The following SLC24A2 variants were observed in gnomAD, a reference collection of about 807,000 sequenced individuals.
The protein encoded by SLC24A2 is sodium/potassium/calcium exchanger 2.
Under a neutral mutation model 62.0 loss-of-function variants are expected in SLC24A2, and 36 were observed. The observed-to-expected ratio is 0.58, with a 90% confidence interval of 0.44 to 0.77. The LOEUF (loss-of-function observed/expected upper bound fraction) is 0.77, where lower values mean the gene tolerates loss of function less well. Ranked by LOEUF, SLC24A2 falls within the 30% of genes least tolerant of loss-of-function variation. The pLI, the probability that SLC24A2 is intolerant of heterozygous loss-of-function variation, is 0.00. For missense variants in SLC24A2, 846 were observed against 817.9 expected (o/e 1.03, Z -0.42); for synonymous variants, 358 against 294.0 (o/e 1.22, Z -2.23).
intron 2 of SLC24A2, among the ~76,000 whole-genome samples, chr9:19,772,558 G>A (rs1359287959): frequency 3.3e-5 from 5 of 152,140 alleles, no homozygotes; most frequent in Admixed American, 2.6e-4. Context: ...AATGGACAAA[G>A]GACTTGAGTA....
the SLC24A2 span, among the ~76,000 whole-genome samples, chr9:19,799,232 C>CT: frequency 1.3e-5 from 2 of 151,936 alleles, no homozygotes; most frequent in African/African-American, 4.8e-5. Context: ...ATTCTCTTAG[C>CT]TTTTTTTATT....
the SLC24A2 span, among the ~76,000 whole-genome samples, chr9:19,869,717 T>C: frequency 0.013 from 1,999 of 152,360 alleles, 25 homozygotes; most frequent in Non-Finnish European, 0.021. Context: ...GTCATATGTA[T>C]GACAACTCTA....
the SLC24A2 span, among the ~76,000 whole-genome samples, chr9:20,305,128 GA>G: frequency 3.0e-4 from 24 of 81,116 alleles, no homozygotes; most frequent in Non-Finnish European, 5.2e-4. Context: ...TTTTTTTTTT[GA>G]GATGGAGTCT....
Position 19,577,002 on chromosome 9 carries a change from A to C in SLC24A2, c.1150T>G (p.Ser384Ala). Residue 384 changes from serine (S) to alanine (A), a missense_variant, in exon 6 of 11, where the codon TCA (serine) becomes GCA (alanine). Coordinates refer to ENST00000341998, the MANE Select transcript of SLC24A2 (RefSeq NM_020344.4). ...TEEGRFREKA[S>A]ILHKIAKKKC... Reference sequence around the variant, plus strand: ...TTCTTGGCGATCTTGTGGAGAATTGAAGCCTTTTCTCTGAACCTCCCTGAA... The same window carrying C: ...TTCTTGGCGATCTTGTGGAGAATTGCAGCCTTTTCTCTGAACCTCCCTGAA... 3.1e-6 allele frequency: 5 copies of C among 1,614,124 alleles called. No homozygotes were observed. The highest frequency in any genetic ancestry group is 4.2e-6 in the Non-Finnish European group (5 of 1,179,982).
At chr9:19,792,691 A>G (rs1276403736), upstream of SLC24A2, among the ~76,000 whole-genome samples, 1 of 141,096 alleles carries the variant, frequency 7.1e-6, no homozygotes, top group Non-Finnish European at 1.6e-5. Flanking sequence ...CTGGGAAACA[A>G]GAACAAAACT....
chr9:19,712,252 TC>T (rs1348102875), intron 2 of SLC24A2, among the ~76,000 whole-genome samples: 2 of 152,216 alleles, frequency 1.3e-5, no homozygotes, highest in Admixed American at 6.5e-5. Flanking sequence ...TAATTTTATT[TC>T]ATTTTCACTA....
chr9:20,213,092 G>A, the SLC24A2 span, among the ~76,000 whole-genome samples: 67 of 151,734 alleles, frequency 4.4e-4, 3 homozygotes, highest in African/African-American at 1.6e-3. Flanking sequence ...ATATGTAGGT[G>A]ATGGGTTGAT....
intron 2 of SLC24A2, among the ~76,000 whole-genome samples, chr9:19,765,929 T>C (rs966572860): frequency 6.6e-6 from 1 of 152,210 alleles, no homozygotes; most frequent in Non-Finnish European, 1.5e-5. Context: ...CTTTCCGGTA[T>C]ACCAATCAAA....
chr9:19,877,686 A>G, the SLC24A2 span, among the ~76,000 whole-genome samples: 1 of 151,844 alleles, frequency 6.6e-6, no homozygotes, highest in East Asian at 2.0e-4. Context: ...AGCTTTCTGC[A>G]GAGCTCCAGA....
intron 7 of SLC24A2, among the ~76,000 whole-genome samples, chr9:19,558,635 A>C (rs187117718): frequency 6.6e-6 from 1 of 152,336 alleles, no homozygotes; most frequent in East Asian, 1.9e-4. Flanking sequence ...AACTTTAGCA[A>C]GAACTGAAAT....
the SLC24A2 span, among the ~76,000 whole-genome samples, chr9:19,839,003 A>T: frequency 2.0e-5 from 3 of 152,294 alleles, no homozygotes; most frequent in South Asian, 6.2e-4. Context: ...TGACAAAGGG[A>T]TAATATCCAG....
chr9:19,950,022 C>A, the SLC24A2 span, among the ~76,000 whole-genome samples: 1 of 152,164 alleles, frequency 6.6e-6, no homozygotes, highest in South Asian at 2.1e-4. Flanking sequence ...AAAACATCTC[C>A]TGACAATTCA....
At chr9:20,269,303 A>T in the SLC24A2 span, among the ~76,000 whole-genome samples, 15,847 of 152,198 alleles carry the variant, frequency 0.1, 1,028 homozygotes, top group Middle Eastern at 0.15. Context: ...TAAGAAAAGG[A>T]GACGCATCCA....
the SLC24A2 span, among the ~76,000 whole-genome samples, chr9:19,807,733 A>G: frequency 6.6e-6 from 1 of 152,188 alleles, no homozygotes; most frequent in Non-Finnish European, 1.5e-5. Context: ...GCTTTAAACG[A>G]AACTATTGCC....
chr9:19,527,696 G>A lies in SLC24A2; in HGVS notation c.1569+353C>T, dbSNP rs116914775. On this transcript the variant is annotated intron_variant, in intron 9 of 10. Transcript: ENST00000341998. ...CCAGTTTTAAACTGCTGGTGAGAAC[G>A]TGAGGTGAGTGGCTGCTCAAGATAA... Among the ~76,000 whole-genome samples the A allele has an allele frequency of 1.6e-3, 247 of 152,290 alleles. 5 individuals are homozygous for A. The East Asian group carries it at 0.044, about 27-fold the overall frequency.
At chr9:19,947,616 C>T in the SLC24A2 span, among the ~76,000 whole-genome samples, 6 of 151,518 alleles carry the variant, frequency 4.0e-5, no homozygotes, top group East Asian at 1.2e-3. Flanking sequence ...CGGTGAAACC[C>T]TGTCTGTACT....
rs1390433234 is a variant in SLC24A2, at chr9:19,573,529, C to CACACACAG, written c.1229-61_1229-60insCTGTGTGT. Reference sequence around the variant, plus strand: ...ACACACACACACACACACACACACACAGAGAGAGAGAGAGAGAGAGAGAGA... The same window carrying CACACACAG: ...ACACACACACACACACACACACACACACACACAGAGAGAGAGAGAGAGAGAGAGAGAGA... On this transcript the variant is annotated intron_variant, in intron 6 of 10. Transcript: ENST00000341998. 3.8e-3 allele frequency: 1,604 copies of CACACACAG among 426,810 alleles called. 37 individuals carry two copies. The East Asian group carries it at 0.062, about 16-fold the overall frequency. The allele number at this position is 426,810 out of a possible 1,614,324, so 26.4% of individuals were successfully genotyped here.
At chr9:20,072,812 T>C in the SLC24A2 span, among the ~76,000 whole-genome samples, 1 of 152,058 alleles carries the variant, frequency 6.6e-6, no homozygotes, top group African/African-American at 2.4e-5. Flanking sequence ...AGGAAACAGA[T>C]TCTCCCCTCA....
chr9:19,809,231 T>A, the SLC24A2 span, among the ~76,000 whole-genome samples: 1 of 152,304 alleles, frequency 6.6e-6, no homozygotes, highest in South Asian at 2.1e-4. Flanking sequence ...ATGTATTTTT[T>A]AAAATCCATC....
Sources: allele counts gnomAD v4.1 joint callset (sites outside exome capture counted in the v4.1 genomes callset), GRCh38; gene constraint gnomAD v4.1.1; transcripts MANE v1.5; gene names NCBI Gene and HGNC (gene_info 2026-07-23, HGNC 2026-07-21).